Variants in AVEN observed in about 807,000 individuals in gnomAD.
AVEN encodes the protein apoptosis and caspase activation inhibitor.
AVEN carries 41 observed loss-of-function variants against 38.1 expected under a neutral mutation model. The observed-to-expected ratio is 1.08, with a 90% CI of 0.84 to 1.40. The LOEUF (loss-of-function observed/expected upper bound fraction) is 1.40. Among genes scored for constraint, AVEN ranks in the 40% most tolerant of loss-of-function variants. AVEN has a pLI of 0.00. For missense variants in AVEN, 605 were observed against 438.8 expected (o/e 1.38, Z -3.38); for synonymous variants, 206 against 171.8 (o/e 1.20, Z -1.56).
At chr15:33,881,953 C>T (rs1346178918) in intron 2 of AVEN, among the ~76,000 whole-genome samples, 1 of 152,150 alleles carries the variant, frequency 6.6e-6, no homozygotes, top group Non-Finnish European at 1.5e-5. Flanking sequence ...AGAAGTGTGT[C>T]TTAGGAGTCA....
intron 2 of AVEN, among the ~76,000 whole-genome samples, chr15:33,902,171 T>G (rs550325374): frequency 5.3e-5 from 8 of 152,358 alleles, no homozygotes; most frequent in African/African-American, 1.9e-4. Flanking sequence ...TTTATTGTTT[T>G]TAGTGTACAA....
chr15:33,917,406 C>T (rs1404123904), intron 2 of AVEN, among the ~76,000 whole-genome samples: 2 of 145,346 alleles, frequency 1.4e-5, no homozygotes, highest in Non-Finnish European at 3.0e-5. Flanking sequence ...ACATGGAATA[C>T]TACTATATAT....
chr15:33,940,644 C>A (rs1243520685), intron 2 of AVEN, among the ~76,000 whole-genome samples: 1 of 152,052 alleles, frequency 6.6e-6, no homozygotes, highest in Non-Finnish European at 1.5e-5. Flanking sequence ...CGGGTTCAAG[C>A]GATTCTCCTG....
At chr15:33,947,204 A>G (rs1894540677) in intron 2 of AVEN, among the ~76,000 whole-genome samples, 1 of 152,202 alleles carries the variant, frequency 6.6e-6, no homozygotes, top group African/African-American at 2.4e-5. Flanking sequence ...ACTCTGGGAC[A>G]CCACGGACAG....
intron 1 of AVEN, among the ~76,000 whole-genome samples, chr15:34,033,119 T>C (rs2140770149): frequency 6.6e-6 from 1 of 152,240 alleles, no homozygotes; most frequent in East Asian, 1.9e-4. Flanking sequence ...CTGAATCCTA[T>C]CTCGTGCAGG....
At chr15:33,958,423 TACA>T (rs750480141) in intron 2 of AVEN, among the ~76,000 whole-genome samples, 8 of 151,708 alleles carry the variant, frequency 5.3e-5, no homozygotes, top group African/African-American at 1.9e-4. Flanking sequence ...CTACTAAAAA[TACA>T]ACAACAACAA....
chr15:33,988,788 C>T (rs1896593371), intron 2 of AVEN, among the ~76,000 whole-genome samples: 1 of 152,198 alleles, frequency 6.6e-6, no homozygotes. Flanking sequence ...TTGCTCTATC[C>T]CATGCAGCAA....
At chr15:34,017,895 T>C (rs1343004447) in intron 1 of AVEN, among the ~76,000 whole-genome samples, 1 of 152,192 alleles carries the variant, frequency 6.6e-6, no homozygotes, top group Non-Finnish European at 1.5e-5. Flanking sequence ...CCCATAAGGT[T>C]ATAATGGAGC....
chr15:33,906,592 C>T (rs1439476615), intron 2 of AVEN, among the ~76,000 whole-genome samples: 2 of 152,048 alleles, frequency 1.3e-5, no homozygotes, highest in Admixed American at 6.5e-5. Flanking sequence ...TTTTATTGAA[C>T]CTTGAAGACA....
chr15:33,993,756 G>C (rs990371756), intron 2 of AVEN, among the ~76,000 whole-genome samples: 1 of 152,062 alleles, frequency 6.6e-6, no homozygotes, highest in African/African-American at 2.4e-5. Context: ...CTCCCCACTA[G>C]AGGTGACCGC....
chr15:34,023,444 C>T (rs574371549), intron 1 of AVEN, among the ~76,000 whole-genome samples: 2 of 152,258 alleles, frequency 1.3e-5, no homozygotes, highest in African/African-American at 2.4e-5. Flanking sequence ...TAATGATAGC[C>T]GATACACACC....
At chr15:33,863,508 G>C (rs1889278239), downstream of AVEN, among the ~76,000 whole-genome samples, 1 of 152,130 alleles carries the variant, frequency 6.6e-6, no homozygotes, top group Non-Finnish European at 1.5e-5. Flanking sequence ...GGTTCCTTTG[G>C]AAACGGTCTC....
chr15:34,068,137 T>C (rs1900555252), intron 2 of AVEN, among the ~76,000 whole-genome samples: 1 of 152,030 alleles, frequency 6.6e-6, no homozygotes, highest in Non-Finnish European at 1.5e-5. Flanking sequence ...TGTGTGTGTG[T>C]GTGCACATTT....
rs1892786534 is a variant in AVEN at position 33,908,307 on chromosome 15, C to G, written c.446-32312G>C. On this transcript the variant is annotated intron_variant, in intron 2 of 5. Coordinates refer to ENST00000306730, the MANE Select transcript of AVEN (RefSeq NM_020371.3). Reference sequence around the variant, plus strand: ...TCCAAAGAACATTGTGTTGACAGTGCCTGCAATTAAGAAGCCATCACCTTT... The same window carrying G: ...TCCAAAGAACATTGTGTTGACAGTGGCTGCAATTAAGAAGCCATCACCTTT... Among the ~76,000 whole-genome samples, 2 of 36,586 alleles carry G rather than the reference C, an allele frequency of 5.5e-5. 1 individual carries two copies. Among genetic ancestry groups the G allele is most frequent in the African/African-American group, 1.1e-4 (2 of 18,862 alleles). The allele number at this position is 36,586 out of a possible 152,430, so 24.0% of individuals were successfully genotyped here. A position where few individuals can be genotyped will look rare whatever the true frequency, so the allele number is the denominator to read the frequency against.
intron 2 of AVEN, among the ~76,000 whole-genome samples, chr15:33,938,641 T>G (rs1026500206): frequency 6.6e-6 from 1 of 152,136 alleles, no homozygotes; most frequent in Non-Finnish European, 1.5e-5. Context: ...TTGCTGGACA[T>G]TCATACCTAA....
intron 2 of AVEN, among the ~76,000 whole-genome samples, chr15:33,948,093 TTTCTTTTC>T (rs1226016619): frequency 7.1e-6 from 1 of 141,256 alleles, no homozygotes; most frequent in Non-Finnish European, 1.6e-5. Context: ...AATGTCTATT[TTTCTTTTC>T]TTTTTTTTTT....
chr15:33,879,139 C>G (rs1891375207), intron 2 of AVEN, among the ~76,000 whole-genome samples: 1 of 151,830 alleles, frequency 6.6e-6, no homozygotes, highest in African/African-American at 2.4e-5. Context: ...ATAGCAAAGA[C>G]TTGGAACCAA....
Position 33,974,392 on chromosome 15 carries a change from T to C in AVEN, c.445+28640A>G, listed in dbSNP as rs528735048. On this transcript the variant is annotated intron_variant, in intron 2 of 5. Transcript: ENST00000306730. Reference sequence around the variant, plus strand: ...GAATCTTTGCAAGTTACCTATGTTATATCTCCCCAAGTCATCTCTTCTCCT... The same window carrying C: ...GAATCTTTGCAAGTTACCTATGTTACATCTCCCCAAGTCATCTCTTCTCCT... Among the ~76,000 whole-genome samples, 4 of 152,356 alleles carry C rather than the reference T, an allele frequency of 2.6e-5. No individual in the cohort carries two copies. The South Asian group carries it at 8.3e-4, about 32-fold the overall frequency.
At chr15:33,876,065 G>C in intron 2 of AVEN, 70 bp from the exon 3 acceptor site, 1 of 1,448,786 alleles carries the variant, frequency 6.9e-7, no homozygotes, top group Non-Finnish European at 9.4e-7. Flanking sequence ...AAATTTCCCT[G>C]CTAGAGCAAA....
Sources: allele counts gnomAD v4.1 joint callset (sites outside exome capture counted in the v4.1 genomes callset), GRCh38; gene constraint gnomAD v4.1.1; transcripts MANE v1.5; gene names NCBI Gene and HGNC (gene_info 2026-07-23, HGNC 2026-07-21).